PRDM16: variants seen among roughly 807,000 people sequenced by gnomAD.
The protein encoded by PRDM16 is histone-lysine N-methyltransferase PRDM16.
A neutral mutation model predicts 110.6 loss-of-function variants in PRDM16; 23 were observed. The ratio of observed to expected loss-of-function variants is 0.21; its 90% CI spans 0.15 to 0.29. PRDM16 has a LOEUF of 0.29. PRDM16 is among the 10% of genes least tolerant of loss of function. The probability of loss-of-function intolerance (pLI) is 1.00; values close to 1 mark genes in which losing one functional copy is unlikely to be tolerated. For missense variants in PRDM16, 1,615 were observed against 1,794.3 expected (o/e 0.90, Z 1.81); for synonymous variants, 799 against 781.8 (o/e 1.02, Z -0.37).
At chr1:3,271,498 C>T (rs1640453770) in intron 3 of PRDM16, among the ~76,000 whole-genome samples, 1 of 152,190 alleles carries the variant, frequency 6.6e-6, no homozygotes, top group Non-Finnish European at 1.5e-5. Flanking sequence ...GAACCCAAGG[C>T]CGTTGTCCTG....
chr1:3,300,603 G>A (rs1466010723), intron 3 of PRDM16, among the ~76,000 whole-genome samples: 4 of 152,200 alleles, frequency 2.6e-5, no homozygotes, highest in African/African-American at 4.8e-5. Flanking sequence ...CTGGAGCCTC[G>A]GAACCGCGGT....
chr1:3,076,870 C>A (rs1641913091), intron 1 of PRDM16, among the ~76,000 whole-genome samples: 1 of 152,150 alleles, frequency 6.6e-6, no homozygotes, highest in Non-Finnish European at 1.5e-5. Flanking sequence ...AATGTATATT[C>A]TATAAGGAAT....
intron 3 of PRDM16, among the ~76,000 whole-genome samples, chr1:3,384,101 G>A (rs1355126009): frequency 6.7e-6 from 1 of 148,332 alleles, no homozygotes; most frequent in Non-Finnish European, 1.5e-5. Context: ...ACCCACCCAA[G>A]GACACAGCTG....
chr1:3,409,880 G>GTGT (rs1271811185), intron 8 of PRDM16, among the ~76,000 whole-genome samples: 149 of 99,360 alleles, frequency 1.5e-3, no homozygotes, highest in Middle Eastern at 7.8e-3. Context: ...CATGTGTGTG[G>GTGT]TTGTGTGCAT....
At chr1:3,346,188 A>T (rs752193398) in intron 3 of PRDM16, among the ~76,000 whole-genome samples, 1 of 152,236 alleles carries the variant, frequency 6.6e-6, no homozygotes, top group East Asian at 1.9e-4. Flanking sequence ...AATGTTGGAT[A>T]TGGAAACTGT....
At chr1:3,406,312 G>A (rs979170961) in intron 8 of PRDM16, among the ~76,000 whole-genome samples, 7 of 152,130 alleles carry the variant, frequency 4.6e-5, no homozygotes, top group African/African-American at 9.7e-5. Context: ...CTGCCTGTTC[G>A]ATGAGAGGCG....
intron 1 of PRDM16, among the ~76,000 whole-genome samples, chr1:3,109,947 C>T (rs895663868): frequency 6.6e-6 from 1 of 151,616 alleles, no homozygotes; most frequent in African/African-American, 2.4e-5. Context: ...TGCTCGGGGG[C>T]TCCCCTATGT....
chr1:3,339,592 G>A lies in PRDM16; in HGVS notation c.439-45560G>A, dbSNP rs1355569765. 2.0e-5 allele frequency among the ~76,000 whole-genome samples: 3 copies of A among 151,994 alleles called. No homozygotes were observed. Among genetic ancestry groups the A allele is most frequent in the African/African-American group, 7.3e-5 (3 of 41,372 alleles). On this transcript the variant is annotated intron_variant, in intron 3 of 16. Coordinates refer to ENST00000270722, the MANE Select transcript of PRDM16 (RefSeq NM_022114.4). The surrounding 1 kb of genome is among the most constrained non-coding windows in gnomAD (Gnocchi z 5.0). Reference sequence around the variant, plus strand: ...GGAGCGTGGGAGGAGGCTGCGGAGCGACCATTGCCTTGGTCTCGCTCACAC... The same window carrying A: ...GGAGCGTGGGAGGAGGCTGCGGAGCAACCATTGCCTTGGTCTCGCTCACAC...
chr1:3,146,866 T>C lies in PRDM16; in HGVS notation c.38-39259T>C, dbSNP rs12030432. Among the ~76,000 whole-genome samples, 351 of 109,656 alleles carry C rather than the reference T, an allele frequency of 3.2e-3. 16 individuals carry two copies. The East Asian group carries it at 0.097, about 30-fold the overall frequency. The allele number at this position is 109,656 out of a possible 152,430, so 71.9% of individuals were successfully genotyped here. A position where few individuals can be genotyped will look rare whatever the true frequency, so the allele number is the denominator to read the frequency against. On this transcript the variant is annotated intron_variant, in intron 1 of 16. Coordinates refer to ENST00000270722, the MANE Select transcript of PRDM16 (RefSeq NM_022114.4). Reference sequence around the variant, plus strand: ...GTGTGTGCTCAGTGTGGGGTGTGTGTGCACGTGTGTTTGGTGTGGGGTGTG... The same window carrying C: ...GTGTGTGCTCAGTGTGGGGTGTGTGCGCACGTGTGTTTGGTGTGGGGTGTG...
Position 3,140,176 on chromosome 1 carries a change from G to A in PRDM16, c.38-45949G>A, listed in dbSNP as rs76782689. 1.1e-3 allele frequency among the ~76,000 whole-genome samples: 173 copies of A among 152,334 alleles called. No individual in the cohort carries two copies. The East Asian group carries it at 0.016, about 14-fold the overall frequency. On this transcript the variant is annotated intron_variant, in intron 1 of 16. Coordinates refer to ENST00000270722, the MANE Select transcript of PRDM16 (RefSeq NM_022114.4). ...CACCCGAAGTGGTCCCCGCTCCCCC[G>A]GCGGATGCAGCCCCCGGATGGCCGT...
intron 1 of PRDM16, among the ~76,000 whole-genome samples, chr1:3,104,311 G>C (rs1438636045): frequency 6.6e-6 from 1 of 152,224 alleles, no homozygotes; most frequent in African/African-American, 2.4e-5. Flanking sequence ...TTGCTGGAAG[G>C]TGCTAGAAGG....
intron 1 of PRDM16, among the ~76,000 whole-genome samples, chr1:3,139,953 C>G (rs967247198): frequency 1.3e-5 from 2 of 152,284 alleles, no homozygotes; most frequent in Non-Finnish European, 2.9e-5. Context: ...ACAGCCCACT[C>G]TTAATCATGC....
intron 2 of PRDM16, among the ~76,000 whole-genome samples, chr1:3,215,706 C>A (rs996527306): frequency 3.9e-5 from 6 of 152,182 alleles, no homozygotes; most frequent in African/African-American, 2.4e-5. Flanking sequence ...GAGGGACGGC[C>A]GTGGCCTTCC....
chr1:3,192,460 C>T (rs960294738), intron 2 of PRDM16, among the ~76,000 whole-genome samples: 2 of 152,182 alleles, frequency 1.3e-5, no homozygotes, highest in African/African-American at 4.8e-5. Context: ...CTGGCCTGCT[C>T]ATGTTCCAAT....
At chr1:3,338,205 C>T (rs965761385) in intron 3 of PRDM16, among the ~76,000 whole-genome samples, 5 of 152,240 alleles carry the variant, frequency 3.3e-5, no homozygotes, top group African/African-American at 4.8e-5. Flanking sequence ...CAAGGACCCT[C>T]GCAAGGCAGG....
chr1:3,354,409 G>A (rs1039271679), intron 3 of PRDM16, among the ~76,000 whole-genome samples: 4 of 147,506 alleles, frequency 2.7e-5, no homozygotes, highest in Non-Finnish European at 4.4e-5. Flanking sequence ...TCAGTGAGCC[G>A]AGATTGCACC....
intron 2 of PRDM16, among the ~76,000 whole-genome samples, chr1:3,218,006 C>T (rs1037443823): frequency 2.6e-5 from 4 of 152,232 alleles, no homozygotes; most frequent in Non-Finnish European, 2.9e-5. Flanking sequence ...GACACCGGAG[C>T]AATAAATCAC....
intron 2 of PRDM16, among the ~76,000 whole-genome samples, chr1:3,237,779 A>G (rs1639571141): frequency 6.6e-6 from 1 of 152,230 alleles, no homozygotes; most frequent in Non-Finnish European, 1.5e-5. Context: ...AACATCAGAA[A>G]GAGAAGCAGG....
intron 1 of PRDM16, among the ~76,000 whole-genome samples, chr1:3,126,633 AC>A (rs1643214845): frequency 6.6e-6 from 1 of 152,062 alleles, no homozygotes; most frequent in Admixed American, 6.5e-5. Context: ...TGGGGACTGG[AC>A]CAGGAGCCTC....
Sources: gnomAD v4.1 joint callset for allele counts (sites outside exome capture counted in the v4.1 genomes callset) on GRCh38, gnomAD v4.1.1 for gene constraint, Gnocchi (gnomAD v3.1) non-coding constraint, MANE v1.5 for transcripts, NCBI Gene and HGNC (gene_info 2026-07-23, HGNC 2026-07-21) for gene names.